COLEC10: variants seen among roughly 807,000 people sequenced by gnomAD.
COLEC10 encodes collectin subfamily member 10.
In COLEC10, 22 loss-of-function variants were observed where a neutral mutation model predicts 28.4. The ratio of observed to expected loss-of-function variants is 0.78; its 90% CI spans 0.55 to 1.11. The LOEUF is 1.11. COLEC10 is among the 50% of genes least tolerant of loss of function. The pLI is 0.00. For missense variants in COLEC10, 361 were observed against 344.1 expected (o/e 1.05, Z -0.39); for synonymous variants, 125 against 116.1 (o/e 1.08, Z -0.49).
chr8:119,061,821 A>C (rs530662963), intron 2 of COLEC10, among the ~76,000 whole-genome samples: 11 of 152,280 alleles, frequency 7.2e-5, no homozygotes, highest in African/African-American at 2.2e-4. Flanking sequence ...GAAAATAGTC[A>C]AGTTAACTCT....
the COLEC10 span, among the ~76,000 whole-genome samples, chr8:118,972,734 A>C: frequency 1.3e-5 from 2 of 151,918 alleles, no homozygotes; most frequent in African/African-American, 4.8e-5. Context: ...TCTACCTTCT[A>C]GCATAATCAT....
chr8:119,076,307 G>T (rs1587045190), intron 1 of COLEC10, among the ~76,000 whole-genome samples: 6 of 150,142 alleles, frequency 4.0e-5, no homozygotes, highest in African/African-American at 1.2e-4. Flanking sequence ...TGTTGCCCAG[G>T]CTGGAGAGCA....
intron 1 of COLEC10, among the ~76,000 whole-genome samples, chr8:119,005,448 C>A (rs147427027): frequency 6.6e-6 from 1 of 152,216 alleles, no homozygotes; most frequent in African/African-American, 2.4e-5. Context: ...ATGGTGCACG[C>A]TGAGGAAGCC....
chr8:119,044,843 CAAA>C (rs765073886), intron 2 of COLEC10, among the ~76,000 whole-genome samples: 3 of 109,658 alleles, frequency 2.7e-5, no homozygotes, highest in African/African-American at 3.4e-5. Context: ...AGACTGTCTC[CAAA>C]AAAAAAAAAA....
the COLEC10 span, among the ~76,000 whole-genome samples, chr8:118,953,429 TTAGAG>T: frequency 6.6e-6 from 1 of 152,190 alleles, no homozygotes; most frequent in Non-Finnish European, 1.5e-5. Context: ...ATTGTTTTTG[TTAGAG>T]TAATGTTTGT....
intron 1 of COLEC10, among the ~76,000 whole-genome samples, chr8:118,998,980 C>T (rs1482523629): frequency 1.3e-5 from 2 of 151,964 alleles, no homozygotes; most frequent in African/African-American, 4.8e-5. Context: ...ATTCTCCAGG[C>T]ACTGTGCTAA....
intron 1 of COLEC10, among the ~76,000 whole-genome samples, chr8:119,088,837 A>C (rs146965837): frequency 1.9e-4 from 29 of 152,310 alleles, no homozygotes; most frequent in Non-Finnish European, 1.0e-4. Flanking sequence ...CTAAGCACTG[A>C]TTGTATCCCA....
At chr8:119,065,932 T>C (rs976710226), upstream of COLEC10, among the ~76,000 whole-genome samples, 2 of 151,922 alleles carry the variant, frequency 1.3e-5, no homozygotes, top group African/African-American at 4.8e-5. Flanking sequence ...TATTTCCCCA[T>C]CTTCCCCATA....
chr8:119,010,652 T>C (rs1292551963), intron 2 of COLEC10, among the ~76,000 whole-genome samples: 1 of 151,154 alleles, frequency 6.6e-6, no homozygotes, highest in East Asian at 1.9e-4. Context: ...TTGCTCCACA[T>C]TCTTGCCAGC....
Position 119,103,897 on chromosome 8 carries a change from T to C in COLEC10, c.442+2T>C. 1 of 1,583,750 alleles carries C rather than the reference T, an allele frequency of 6.3e-7. No individual in the cohort carries two copies. On this transcript the variant is annotated splice_donor_variant, in intron 5 of 5. Transcript: ENST00000332843. LOFTEE classifies it high-confidence loss of function. Reference sequence around the variant, plus strand: ...CATCTATGAAGTTTGTCAAGAATGGTGAGCATATTCTCTTTTGTGTTATGT... The same window carrying C: ...CATCTATGAAGTTTGTCAAGAATGGCGAGCATATTCTCTTTTGTGTTATGT...
the COLEC10 span, among the ~76,000 whole-genome samples, chr8:118,974,673 A>G: frequency 2.0e-5 from 3 of 152,158 alleles, no homozygotes; most frequent in African/African-American, 4.8e-5. Flanking sequence ...TTCTCCTTAA[A>G]TTTACGTAAA....
intron 2 of COLEC10, among the ~76,000 whole-genome samples, chr8:119,060,518 C>T (rs1814835784): frequency 6.6e-6 from 1 of 152,068 alleles, no homozygotes; most frequent in South Asian, 2.1e-4. Flanking sequence ...AGATTTTAAC[C>T]CGTGGACATC....
At chr8:119,068,286 T>A (rs931107155) in intron 1 of COLEC10, 2 of 152,290 alleles carry the variant, frequency 1.3e-5, no homozygotes, top group East Asian at 1.9e-4. Context: ...TGCCTGTCAG[T>A]TATTTAAATG....
At chr8:119,030,799 T>C (rs1012098670) in intron 2 of COLEC10, among the ~76,000 whole-genome samples, 1 of 152,222 alleles carries the variant, frequency 6.6e-6, no homozygotes, top group Non-Finnish European at 1.5e-5. Flanking sequence ...AAGGCATGTC[T>C]TATATTAAAG....
In COLEC10 at chr8:119,017,908, G is replaced by A. The variant is rs115609652; in HGVS notation, n.235+8355G>A. Among the ~76,000 whole-genome samples the A allele has an allele frequency of 7.1e-3, 1,084 of 152,252 alleles. 10 individuals are homozygous for A. Among genetic ancestry groups the A allele is most frequent in the African/African-American group, 0.025 (1,049 of 41,536 alleles). On this transcript the variant is annotated intron_variant and non_coding_transcript_variant, in intron 2 of 6. Coordinates refer to the COLEC10 transcript ENST00000521788. ...TAAGAAGTCTGAGAATTCTGTGAAA[G>A]CCACCTTGAGGGAGGGCAAAACTTG...
chr8:118,989,439 C>G, the COLEC10 span, among the ~76,000 whole-genome samples: 1 of 151,762 alleles, frequency 6.6e-6, no homozygotes, highest in Non-Finnish European at 1.5e-5. Context: ...AAAAACCATG[C>G]TCAAGTGTTT....
At chr8:118,983,676 T>C in the COLEC10 span, among the ~76,000 whole-genome samples, 1 of 152,102 alleles carries the variant, frequency 6.6e-6, no homozygotes, top group East Asian at 1.9e-4. Flanking sequence ...GGGCAAAGGA[T>C]ATGAACAGAT....
intron 2 of COLEC10, among the ~76,000 whole-genome samples, chr8:119,012,977 A>G (rs1813926032): frequency 1.3e-5 from 2 of 148,998 alleles, no homozygotes; most frequent in African/African-American, 5.0e-5. Flanking sequence ...TTTCTGATCT[A>G]ATGTTTCTTC....
At chr8:118,980,681 T>C in the COLEC10 span, among the ~76,000 whole-genome samples, 1 of 152,134 alleles carries the variant, frequency 6.6e-6, no homozygotes, top group South Asian at 2.1e-4. Context: ...TTGTTCAAGA[T>C]AGTACCATTT....
Sources: gnomAD v4.1 joint callset for allele counts (sites outside exome capture counted in the v4.1 genomes callset) on GRCh38, gnomAD v4.1.1 for gene constraint, MANE v1.5 for transcripts, NCBI Gene and HGNC (gene_info 2026-07-23, HGNC 2026-07-21) for gene names.